Variants in ATP4A observed in about 807,000 individuals in gnomAD.
The protein encoded by ATP4A is potassium-transporting ATPase alpha chain 1.
Under a neutral mutation model 112.1 loss-of-function variants are expected in ATP4A, and 73 were observed. The ratio of observed to expected loss-of-function variants is 0.65; its 90% CI spans 0.54 to 0.79. The LOEUF (loss-of-function observed/expected upper bound fraction) is 0.79, where lower values mean the gene tolerates loss of function less well. Ranked by LOEUF, ATP4A falls within the 30% of genes least tolerant of loss-of-function variation. The pLI is 0.00. For synonymous variants in ATP4A, 588 were observed against 588.9 expected, an observed-to-expected ratio of 1.00 and a Z score of 0.02; for missense variants, 1,081 against 1,425.9, an observed-to-expected ratio of 0.76 and a Z score of 3.90.
chr19:35,562,878 G>C lies in ATP4A; in HGVS notation c.217-240C>G, dbSNP rs2071679957. Among the ~76,000 whole-genome samples, 6 of 142,596 alleles carry C rather than the reference G, an allele frequency of 4.2e-5. No individual in the cohort carries two copies. The Admixed American group carries it at 4.4e-4, about 10-fold the overall frequency. 93.5% of individuals were successfully genotyped at this position (142,596 alleles called of 152,430 possible). On this transcript the variant is annotated intron_variant, in intron 3 of 21. Transcript: ENST00000262623. Reference sequence around the variant, plus strand: ...CTCTCCTGCTGCTCTCTCCTTATTTGTCTCTGCCTTCTCTGTCTTGCTGTC... The same window carrying C: ...CTCTCCTGCTGCTCTCTCCTTATTTCTCTCTGCCTTCTCTGTCTTGCTGTC...
intron 12 of ATP4A, among the ~76,000 whole-genome samples, chr19:35,556,651 C>T (rs577525999): frequency 6.6e-6 from 1 of 152,156 alleles, no homozygotes; most frequent in East Asian, 1.9e-4. Flanking sequence ...TGTGTGTGTC[C>T]CCAAGTGAAG....
In ATP4A at chr19:35,558,352, G is replaced by T. The variant is rs1051860049; in HGVS notation, c.1500+10C>A. 10 of 1,606,126 alleles carry T rather than the reference G, an allele frequency of 6.2e-6. No homozygotes were observed. Among genetic ancestry groups the T allele is most frequent in the East Asian group, 2.2e-5 (1 of 44,552 alleles). On this transcript the variant is annotated intron_variant, in intron 10 of 21. Coordinates refer to ENST00000262623, the MANE Select transcript of ATP4A (RefSeq NM_000704.3). This position sits in a 1 kb window ranked among gnomAD's most constrained non-coding sequence, Gnocchi z 5.1. The stretch of plus-strand genomic sequence containing the variant: ...GCGGGCCCAGGCCGTGGGCGGGGCC[G>T]GCTGCGCACCTGGAACTTGTTGGTG...
rs2071660522 is a variant in ATP4A, at chr19:35,560,249, G to A, written c.787+114C>T. ...GGGGAGGTGGCAGTCACGGGGAGGT[G>A]GCAGTCATGCAGGAGAGAGACAGGG... On this transcript the variant is annotated intron_variant, in intron 6 of 21. Coordinates refer to ENST00000262623, the MANE Select transcript of ATP4A (RefSeq NM_000704.3). This position sits in a 1 kb window ranked among gnomAD's most constrained non-coding sequence, Gnocchi z 5.1. 12 of 1,548,306 alleles carry A rather than the reference G, an allele frequency of 7.8e-6. No individual in the cohort carries two copies. The highest frequency in any genetic ancestry group is 8.7e-6 in the Non-Finnish European group (10 of 1,144,142).
Position 35,559,733 on chromosome 19 carries a change from GA to G in ATP4A, c.1056+71del. 3 of 1,559,808 alleles carry G rather than the reference GA, an allele frequency of 1.9e-6. No homozygotes were observed. The highest frequency in any genetic ancestry group is 2.6e-6 in the Non-Finnish European group (3 of 1,150,724). On this transcript the variant is annotated intron_variant, in intron 7 of 21. Transcript: ENST00000262623. The surrounding 1 kb of genome is among the most constrained non-coding windows in gnomAD (Gnocchi z 4.1). ...ATAGACAGGCAGGGAGGTGATGGGG[GA>G]AATGTGGAGGAAAGAACAGATGGTT...
At chr19:35,561,847 CTTTTTTTTTTTT>C (rs71167554) in intron 4 of ATP4A, among the ~76,000 whole-genome samples, 1 of 103,816 alleles carries the variant, frequency 9.6e-6, no homozygotes, top group Non-Finnish European at 1.9e-5. Context: ...AGTCCCATCT[CTTTTTTTTTTTT>C]TTTTTTTTTT....
At position 35,559,952 on chromosome 19, in the gene ATP4A, C is replaced by T; in HGVS notation, c.909G>A (p.Val303=). Residue 303 remains valine (V), a synonymous_variant, in exon 7 of 22, where the codon GTG becomes GTA. Transcript: ENST00000262623. The surrounding 1 kb of genome is among the most constrained non-coding windows in gnomAD (Gnocchi z 4.1). The part of the protein sequence containing the change: ...TPIAIEIEHF[V]DIIAGLAILF... The stretch of plus-strand genomic sequence containing the variant: ...GAATGGCCAGGCCCGCGATGATGTC[C>T]ACAAAATGCTCGATCTCGATAGCGA... 1 of 1,614,234 alleles carries T rather than the reference C, an allele frequency of 6.2e-7. No individual in the cohort carries two copies. The highest frequency in any genetic ancestry group is 1.1e-5 in the South Asian group (1 of 91,090).
In ATP4A at chr19:35,558,887, A is replaced by G. The variant is rs996601265; in HGVS notation, c.1255+106T>C. 5.3e-5 allele frequency: 76 copies of G among 1,435,882 alleles called. 1 individual carries two copies. The highest frequency in any genetic ancestry group is 1.8e-5 in the Admixed American group (1 of 55,484). The allele number at this position is 1,435,882 out of a possible 1,614,324, so 88.9% of individuals were successfully genotyped here. On this transcript the variant is annotated intron_variant, in intron 8 of 21. Transcript: ENST00000262623. The surrounding 1 kb of genome is among the most constrained non-coding windows in gnomAD (Gnocchi z 5.1). ...GAGTCTCCTTTGAGACCTGGAGCCG[A>G]GCCGCCCCGCCTTCGTACAAAGCCC...
chr19:35,558,073 C>A lies in ATP4A; in HGVS notation c.1501-226G>T. Reference sequence around the variant, plus strand: ...AGGTGCAGATTTGGAGTCCTGGACGCAGGGAATGAACAGAATTAGGGTGCG... The same window carrying A: ...AGGTGCAGATTTGGAGTCCTGGACGAAGGGAATGAACAGAATTAGGGTGCG... On this transcript the variant is annotated intron_variant, in intron 10 of 21. Coordinates refer to ENST00000262623, the MANE Select transcript of ATP4A (RefSeq NM_000704.3). This position sits in a 1 kb window ranked among gnomAD's most constrained non-coding sequence, Gnocchi z 5.1. 1.6e-6 allele frequency: 1 copy of A among 607,152 alleles called. No individual in the cohort carries two copies. Among genetic ancestry groups the A allele is most frequent in the Non-Finnish European group, 2.8e-6 (1 of 351,510 alleles). 37.6% of individuals were successfully genotyped at this position (607,152 alleles called of 1,614,324 possible). A position where few individuals can be genotyped will look rare whatever the true frequency, so the allele number is the denominator to read the frequency against.
Position 35,555,176 on chromosome 19 carries a change from G to C in ATP4A, c.2316C>G (p.Gly772=), listed in dbSNP as rs532736050. The change falls in exon 15 of 22, where the codon GGC becomes GGG. Residue 772 remains glycine (G), a synonymous_variant. Transcript: ENST00000262623. The surrounding 1 kb of genome is among the most constrained non-coding windows in gnomAD (Gnocchi z 6.6). ...TGGCGTGGCTCGGACCCTGCTCCAC[G>C]CCTGTCACAATGGAGGCAAAGTTGT... is the stretch of plus-strand genomic sequence containing the variant. The part of the protein sequence containing the change: ...LDDNFASIVT[G]VEQGRLIFDN... 1 of 1,614,012 alleles carries C rather than the reference G, an allele frequency of 6.2e-7. No individual in the cohort carries two copies. Among genetic ancestry groups the C allele is most frequent in the Admixed American group, 1.7e-5 (1 of 60,026 alleles).
chr19:35,553,685 C>T (rs1399809681), intron 17 of ATP4A, 21 bp downstream of exon 17: 12 of 1,611,462 alleles, frequency 7.4e-6, no homozygotes, highest in Non-Finnish European at 1.0e-5. Flanking sequence ...CCTCCAGGCT[C>T]CCCGGCCCAC....
Position 35,555,096 on chromosome 19 carries a change from C to A in ATP4A, c.2327-20G>T, listed in dbSNP as rs756003053. 5.0e-6 allele frequency: 8 copies of A among 1,612,988 alleles called. No homozygotes were observed. The East Asian group carries it at 1.6e-4, about 31-fold the overall frequency. On this transcript the variant is annotated intron_variant, in intron 15 of 21. Transcript: ENST00000262623. The surrounding 1 kb of genome is among the most constrained non-coding windows in gnomAD (Gnocchi z 6.6). ...GTCGACCTGTGGGGTAGGGTGGGCA[C>A]CTCAGCCTCCTCACAGCCCTCTCCC...
In ATP4A at chr19:35,555,218, G is replaced by C; in HGVS notation, c.2274C>G (p.Asp758Glu). The change falls in exon 15 of 22, where the codon GAC (aspartate) becomes GAG (glutamate). Residue 758 changes from aspartate (D) to glutamate (E), a missense_variant. Asp to Glu is a conservative substitution (Grantham distance 45). This residue lies in a region of ATP4A where 850 missense variants were observed against 1,068.2 expected (regional missense o/e 0.80). Transcript: ENST00000262623. This position sits in a 1 kb window ranked among gnomAD's most constrained non-coding sequence, Gnocchi z 6.6. ...AGSDAAKNAA[D>E]MILLDDNFAS... ...CAAAGTTGTCATCCAGCAGGATCATGTCAGCTGCATTTTTGGCAGCATCTG... is the reference window on the plus strand; with the variant it reads ...CAAAGTTGTCATCCAGCAGGATCATCTCAGCTGCATTTTTGGCAGCATCTG... 6.2e-7 allele frequency: 1 copy of C among 1,614,222 alleles called. No individual in the cohort carries two copies. The highest frequency in any genetic ancestry group is 8.5e-7 in the Non-Finnish European group (1 of 1,180,040).
In ATP4A at chr19:35,558,881, G is replaced by T. The variant is rs2071649995; in HGVS notation, c.1255+112C>A. Reference sequence around the variant, plus strand: ...GGTAGCGAGTCTCCTTTGAGACCTGGAGCCGAGCCGCCCCGCCTTCGTACA... The same window carrying T: ...GGTAGCGAGTCTCCTTTGAGACCTGTAGCCGAGCCGCCCCGCCTTCGTACA... On this transcript the variant is annotated intron_variant, in intron 8 of 21. Transcript: ENST00000262623. The surrounding 1 kb of genome is among the most constrained non-coding windows in gnomAD (Gnocchi z 5.1). 5.0e-6 allele frequency: 7 copies of T among 1,401,068 alleles called. No homozygotes were observed. Among genetic ancestry groups the T allele is most frequent in the Admixed American group, 3.6e-5 (2 of 54,862 alleles). The allele number at this position is 1,401,068 out of a possible 1,614,324, so 86.8% of individuals were successfully genotyped here.
At chr19:35,553,289 GAC>G (rs2071612090) in intron 17 of ATP4A, 107 bp from the exon 18 acceptor site, 3 of 1,313,508 alleles carry the variant, frequency 2.3e-6, no homozygotes, top group African/African-American at 1.5e-5. Flanking sequence ...AAAGGTCAAG[GAC>G]ACACAGACAG....
chr19:35,555,626 G>C lies in ATP4A; in HGVS notation c.2007-36C>G, dbSNP rs371581853. ...GATGGGAGGACCTCGCTGGGACCTC[G>C]GTCTGTGCCAGATGTGGGGAGAACC... On this transcript the variant is annotated intron_variant, in intron 13 of 21. Coordinates refer to ENST00000262623, the MANE Select transcript of ATP4A (RefSeq NM_000704.3). The surrounding 1 kb of genome is among the most constrained non-coding windows in gnomAD (Gnocchi z 6.6). 1.2e-5 allele frequency: 19 copies of C among 1,580,342 alleles called. No individual in the cohort carries two copies. The highest frequency in any genetic ancestry group is 8.5e-5 in the Admixed American group (5 of 58,646).
chr19:35,559,285 G>A lies in ATP4A; in HGVS notation c.1057-94C>T, dbSNP rs751040024. On this transcript the variant is annotated intron_variant, in intron 7 of 21. Coordinates refer to ENST00000262623, the MANE Select transcript of ATP4A (RefSeq NM_000704.3). This position sits in a 1 kb window ranked among gnomAD's most constrained non-coding sequence, Gnocchi z 4.1. ...GAACGGGGAAGGCTTTACCCCAGCC[G>A]CGGGGCTGCGTGTGCAACGTGCTTC... 510 of 1,347,076 alleles carry A rather than the reference G, an allele frequency of 3.8e-4. 2 individuals are homozygous for A. Among genetic ancestry groups the A allele is most frequent in the Admixed American group, 8.1e-4 (45 of 55,236 alleles). The allele number at this position is 1,347,076 out of a possible 1,614,324, so 83.4% of individuals were successfully genotyped here. A position where few individuals can be genotyped will look rare whatever the true frequency, so the allele number is the denominator to read the frequency against.
In ATP4A at chr19:35,558,888, G is replaced by A; in HGVS notation, c.1255+105C>T. Reference sequence around the variant, plus strand: ...AGTCTCCTTTGAGACCTGGAGCCGAGCCGCCCCGCCTTCGTACAAAGCCCT... The same window carrying A: ...AGTCTCCTTTGAGACCTGGAGCCGAACCGCCCCGCCTTCGTACAAAGCCCT... On this transcript the variant is annotated intron_variant, in intron 8 of 21. Coordinates refer to ENST00000262623, the MANE Select transcript of ATP4A (RefSeq NM_000704.3). This position sits in a 1 kb window ranked among gnomAD's most constrained non-coding sequence, Gnocchi z 5.1. 1 of 1,436,184 alleles carries A rather than the reference G, an allele frequency of 7.0e-7. No homozygotes were observed. Among genetic ancestry groups the A allele is most frequent in the Non-Finnish European group, 9.6e-7 (1 of 1,044,546 alleles). 89.0% of individuals were successfully genotyped at this position (1,436,184 alleles called of 1,614,324 possible).
intron 3 of ATP4A, among the ~76,000 whole-genome samples, 143 bp downstream of exon 3, chr19:35,563,042 CCCTCCCTCCCTCTTTCCTTTTCTG>C (rs2071681306): frequency 6.8e-6 from 1 of 146,830 alleles, no homozygotes; most frequent in Non-Finnish European, 1.5e-5. Flanking sequence ...TTTCCTCTCT[CCCTCCCTCCCTCTTTCCTTTTCTG>C]CCTCCCTCCC....
In ATP4A at chr19:35,558,221, C is replaced by A; in HGVS notation, c.1500+141G>T. 8.7e-7 allele frequency: 1 copy of A among 1,155,236 alleles called. No homozygotes were observed. The highest frequency in any genetic ancestry group is 1.2e-6 in the Non-Finnish European group (1 of 841,354). 71.6% of individuals were successfully genotyped at this position (1,155,236 alleles called of 1,614,324 possible). A position where few individuals can be genotyped will look rare whatever the true frequency, so the allele number is the denominator to read the frequency against. ...TGCCTCTGGTGGACGGGGCCATAGG[C>A]GGAGCGGGAGATGGGGTGGGGTTTG... On this transcript the variant is annotated intron_variant, in intron 10 of 21. Coordinates refer to ENST00000262623, the MANE Select transcript of ATP4A (RefSeq NM_000704.3). The surrounding 1 kb of genome is among the most constrained non-coding windows in gnomAD (Gnocchi z 5.1).
Sources: gnomAD v4.1 joint callset for allele counts (sites outside exome capture counted in the v4.1 genomes callset) on GRCh38, gnomAD v4.1.1 for gene constraint, gnomAD v4.1.1 regional missense constraint, Gnocchi (gnomAD v3.1) non-coding constraint, MANE v1.5 for transcripts, NCBI Gene and HGNC (gene_info 2026-07-23, HGNC 2026-07-21) for gene names.